ODAD4: variants seen among roughly 807,000 people sequenced by gnomAD.
The protein encoded by ODAD4 is outer dynein arm-docking complex subunit 4.
Under a neutral mutation model 51.8 loss-of-function variants are expected in ODAD4, and 49 were observed. That is an observed-to-expected ratio of 0.95 (90% CI 0.75 to 1.20). The LOEUF (loss-of-function observed/expected upper bound fraction) is 1.20, where lower values mean the gene tolerates loss of function less well. ODAD4 is among the 50% of genes most tolerant of loss of function. ODAD4 has a pLI of 0.00. For missense variants in ODAD4, 590 were observed against 586.5 expected (o/e 1.01, Z -0.06); for synonymous variants, 235 against 221.3 (o/e 1.06, Z -0.55).
chr17:41,944,444 A>ACCCACACACACACACACACACACACACCC (rs2050557779), intron 7 of ODAD4, among the ~76,000 whole-genome samples: 1 of 19,548 alleles, frequency 5.1e-5, no homozygotes, highest in African/African-American at 1.4e-4. Context: ...ACACACACAC[A>ACCCACACACACACACACACACACACACCC]CCCCCCCGCA....
intron 7 of ODAD4, among the ~76,000 whole-genome samples, chr17:41,941,042 A>G (rs1337785016): frequency 3.9e-5 from 6 of 152,136 alleles, no homozygotes; most frequent in Admixed American, 3.3e-4. Flanking sequence ...ATATCGCTCA[A>G]GTTGGTCTGG....
At chr17:41,935,812 G>A in intron 3 of ODAD4, 63 bp downstream of exon 3, 7 of 1,590,902 alleles carry the variant, frequency 4.4e-6, no homozygotes, top group Non-Finnish European at 6.0e-6. Flanking sequence ...AGGTTTAGAG[G>A]AAGGTTGAGT....
At chr17:41,947,107 C>A (rs1555639789) in intron 8 of ODAD4, among the ~76,000 whole-genome samples, 1 of 151,550 alleles carries the variant, frequency 6.6e-6, no homozygotes, top group Admixed American at 6.6e-5. Context: ...ACCTCAGCCT[C>A]CCAAAGTGCT....
At chr17:41,955,858 G>A (rs1239349868) in intron 10 of ODAD4, among the ~76,000 whole-genome samples, 3 of 151,808 alleles carry the variant, frequency 2.0e-5, no homozygotes, top group African/African-American at 7.3e-5. Context: ...CGTTGGCCAG[G>A]TCAGAATGCA....
chr17:41,945,157 G>A lies in ODAD4; in HGVS notation c.1080G>A (p.Ser360=), dbSNP rs374840031. 84 of 1,613,112 alleles carry A rather than the reference G, an allele frequency of 5.2e-5. No homozygotes were observed. The highest frequency in any genetic ancestry group is 5.7e-5 in the Non-Finnish European group (67 of 1,179,690). ...AKEYDLPDAK[S]RALDNIGRVF... Reference sequence around the variant, plus strand: ...ACAGTGACCTTCCTGATGCAAAATCGAGAGCCCTTGACAACATTGGCAGAG... The same window carrying A: ...ACAGTGACCTTCCTGATGCAAAATCAAGAGCCCTTGACAACATTGGCAGAG... Residue 360 remains serine, a synonymous_variant, in exon 8 of 12, where the codon TCG becomes TCA. Coordinates refer to ENST00000377540, the MANE Select transcript of ODAD4 (RefSeq NM_031421.5).
chr17:41,936,761 G>T lies in ODAD4; in HGVS notation c.460-1G>T. On this transcript the variant is annotated splice_acceptor_variant, in intron 4 of 11. Coordinates refer to ENST00000377540, the MANE Select transcript of ODAD4 (RefSeq NM_031421.5). LOFTEE classifies it high-confidence loss of function. ...TGTTGGGTGTTGCTCCATTTTCTCA[G>T]AATATAAAAGCCCAGCAGAAGCCTC... 1.2e-6 allele frequency: 2 copies of T among 1,613,806 alleles called. No individual in the cohort carries two copies. Among genetic ancestry groups the T allele is most frequent in the Non-Finnish European group, 1.7e-6 (2 of 1,179,824 alleles).
At chr17:41,943,262 A>T (rs1245048346) in intron 7 of ODAD4, among the ~76,000 whole-genome samples, 1 of 152,074 alleles carries the variant, frequency 6.6e-6, no homozygotes, top group African/African-American at 2.4e-5. Context: ...TTATTTTTTT[A>T]AAAAAGAATA....
Position 41,965,037 on chromosome 17 carries a change from A to G in ODAD4, c.1573A>G (p.Met525Val). Reference sequence around the variant, plus strand: ...TAGAATAATAACAAGAGAGAAGGACATGAGGAGAGTGAGAGATGAGCCCGA... The same window carrying G: ...TAGAATAATAACAAGAGAGAAGGACGTGAGGAGAGTGAGAGATGAGCCCGA... ...EDRIITREKD[M>V]RRVRDEPEKV... The change falls in exon 12 of 12, where the codon ATG becomes GTG. Residue 525 changes from methionine (M) to valine (V), a missense_variant. Met to Val is a conservative substitution (Grantham distance 21, BLOSUM62 1). Transcript: ENST00000377540. 1.4e-6 allele frequency: 1 copy of G among 734,286 alleles called. No individual in the cohort carries two copies. Among genetic ancestry groups the G allele is most frequent in the East Asian group, 2.6e-5 (1 of 38,678 alleles). The allele number at this position is 734,286 out of a possible 1,614,324, so 45.5% of individuals were successfully genotyped here.
intron 7 of ODAD4, among the ~76,000 whole-genome samples, chr17:41,941,798 G>A (rs1445941041): frequency 1.3e-5 from 2 of 149,298 alleles, no homozygotes; most frequent in Admixed American, 1.3e-4. Context: ...GAAAAGAAAA[G>A]CCTGCCTGCT....
At chr17:41,955,734 A>C (rs543149381) in intron 10 of ODAD4, among the ~76,000 whole-genome samples, 1 of 152,062 alleles carries the variant, frequency 6.6e-6, no homozygotes, top group South Asian at 2.1e-4. Flanking sequence ...AGAAACAAAA[A>C]TTTTACAAAA....
At chr17:41,932,609 A>G (rs1378548475) in intron 1 of ODAD4, among the ~76,000 whole-genome samples, 1 of 150,642 alleles carries the variant, frequency 6.6e-6, no homozygotes, top group Non-Finnish European at 1.5e-5. Flanking sequence ...TGGTGGCACA[A>G]TCACAGCTCA....
intron 9 of ODAD4, among the ~76,000 whole-genome samples, chr17:41,951,874 A>C (rs1555640191): frequency 8.5e-6 from 1 of 117,800 alleles, no homozygotes; most frequent in African/African-American, 3.4e-5. Flanking sequence ...AAAGAACGAG[A>C]CTCTGTCGCA....
At position 41,939,124 on chromosome 17, in the gene ODAD4, AG is replaced by A; in HGVS notation, c.1012del (p.Ala338GlnfsTer100). The part of the protein sequence containing the change: ...GNAQIELGQM[E>X]AALQSHRKDL... Reference sequence around the variant, plus strand: ...GCCCAGATTGAGCTGGGGCAGATGGAGGCAGCCCTGCAGAGCCACAGAAAGG... The same window carrying A: ...GCCCAGATTGAGCTGGGGCAGATGGAGCAGCCCTGCAGAGCCACAGAAAGG... On this transcript the variant is annotated frameshift_variant, in exon 7 of 12. Transcript: ENST00000377540. LOFTEE classifies it high-confidence loss of function. 1.2e-6 allele frequency: 2 copies of A among 1,614,004 alleles called. No homozygotes were observed. The highest frequency in any genetic ancestry group is 8.5e-7 in the Non-Finnish European group (1 of 1,179,888).
chr17:41,964,194 G>T (rs1047586192), intron 11 of ODAD4, among the ~76,000 whole-genome samples: 2 of 152,074 alleles, frequency 1.3e-5, no homozygotes, highest in Non-Finnish European at 2.9e-5. Context: ...CCAAGTAGCT[G>T]GGATTACAGG....
intron 11 of ODAD4, among the ~76,000 whole-genome samples, chr17:41,962,478 G>C (rs1247711099): frequency 6.6e-6 from 1 of 152,178 alleles, no homozygotes; most frequent in Admixed American, 6.5e-5. Context: ...CCACTGGAGA[G>C]GGGCCTAGAG....
chr17:41,964,019 C>T (rs782733638), intron 11 of ODAD4, among the ~76,000 whole-genome samples: 12 of 152,048 alleles, frequency 7.9e-5, no homozygotes, highest in Non-Finnish European at 1.8e-4. Flanking sequence ...GCCTCAGCCT[C>T]CTGAGTAGCT....
At position 41,936,890 on chromosome 17, in the gene ODAD4, G is replaced by C. The variant is rs1555637924; in HGVS notation, c.588G>C (p.Val196=). Residue 196 remains valine (V), a synonymous_variant, in exon 5 of 12, where the codon GTG becomes GTC. Coordinates refer to ENST00000377540, the MANE Select transcript of ODAD4 (RefSeq NM_031421.5). ...TVRQLLGELY[V]DKEYLEKLLL... ...GCCAGCTTCTGGGGGAGCTCTACGT[G>C]GACAAAGAGTATTTGGAGAAGCTCC... is the stretch of plus-strand genomic sequence containing the variant. The C allele has an allele frequency of 6.2e-7, 1 of 1,613,968 alleles. No homozygotes were observed. Among genetic ancestry groups the C allele is most frequent in the East Asian group, 2.2e-5 (1 of 44,890 alleles).
At position 41,937,267 on chromosome 17, in the gene ODAD4, A is replaced by G. The variant is rs117562619; in HGVS notation, c.625+340A>G. On this transcript the variant is annotated intron_variant, in intron 5 of 11. Coordinates refer to ENST00000377540, the MANE Select transcript of ODAD4 (RefSeq NM_031421.5). The stretch of plus-strand genomic sequence containing the variant: ...TGAAGGGACATCCCCTTTGCCTTCA[A>G]TCCTTACAATGGGCAAAGGAATCCA... Among the ~76,000 whole-genome samples, 10 of 152,320 alleles carry G rather than the reference A, an allele frequency of 6.6e-5. No homozygotes were observed. In the East Asian group the frequency reaches 1.4e-3, roughly 21 times the overall value.
intron 3 of ODAD4, among the ~76,000 whole-genome samples, 189 bp from the exon 4 acceptor site, chr17:41,936,284 C>T (rs1210883071): frequency 2.0e-5 from 3 of 152,194 alleles, no homozygotes; most frequent in African/African-American, 2.4e-5. Context: ...CTTGGGCTAG[C>T]GGGGGCTGTT....
Sources: allele counts gnomAD v4.1 joint callset (sites outside exome capture counted in the v4.1 genomes callset), GRCh38; gene constraint gnomAD v4.1.1; transcripts MANE v1.5; gene names NCBI Gene and HGNC (gene_info 2026-07-23, HGNC 2026-07-21).